Variants in ZNF607 observed in about 807,000 individuals in gnomAD.
ZNF607 encodes zinc finger protein 607.
ZNF607 carries 5 observed loss-of-function variants against 12.8 expected under a neutral mutation model. The ratio of observed to expected loss-of-function variants is 0.39; its 90% confidence interval spans 0.20 to 0.82. The LOEUF is 0.82. ZNF607 is among the 40% of genes least tolerant of loss of function. The probability of loss-of-function intolerance (pLI) is 0.39; values close to 1 mark genes in which losing one functional copy is unlikely to be tolerated. For missense variants in ZNF607, 851 were observed against 859.2 expected, an observed-to-expected ratio of 0.99 and a Z score of 0.12; for synonymous variants, 287 against 276.2, an observed-to-expected ratio of 1.04 and a Z score of -0.39.
rs752535829 is a variant in ZNF607, at chr19:37,707,916, G to C, written c.233C>G (p.Thr78Arg). 8.7e-6 allele frequency: 14 copies of C among 1,613,390 alleles called. No homozygotes were observed. In the East Asian group the frequency reaches 2.7e-4, roughly 31 times the overall value. ...GCCCCTGCCTGACTTGCTCTTACCT[G>C]TACACTCTCCTCTTGTTTCTTCCCT... ...IVREETRGEC[T>R]DLDSRCEIIS... The change falls in exon 4 of 5, where the codon ACA becomes AGA. Residue 78 changes from threonine to arginine, a missense_variant and splice_region_variant. Physicochemically the swap from Thr to Arg is moderately conservative, Grantham distance 71 (BLOSUM62 -1). Transcript: ENST00000355202.
chr19:37,697,186 G>A lies in ZNF607; in HGVS notation c.*854C>T. 1 of 734,900 alleles carries A rather than the reference G, an allele frequency of 1.4e-6. No individual in the cohort carries two copies. Among genetic ancestry groups the A allele is most frequent in the Non-Finnish European group, 2.5e-6 (1 of 393,720 alleles). The allele number at this position is 734,900 out of a possible 1,614,324, so 45.5% of individuals were successfully genotyped here. On this transcript the variant is annotated 3_prime_UTR_variant, in exon 5 of 5. Coordinates refer to ENST00000355202, the MANE Select transcript of ZNF607 (RefSeq NM_032689.5). ...CCAGTGATGACTGGCGCACTACGTGGTTGAGAACAGCAGTCAAAGATAATT... is the reference window on the plus strand; with the variant it reads ...CCAGTGATGACTGGCGCACTACGTGATTGAGAACAGCAGTCAAAGATAATT...
chr19:37,707,390 A>G (rs1419903584), intron 4 of ZNF607, among the ~76,000 whole-genome samples: 2 of 151,978 alleles, frequency 1.3e-5, no homozygotes, highest in African/African-American at 4.8e-5. Flanking sequence ...ACTTCAGAGG[A>G]TAAGACTGTG....
In ZNF607 at chr19:37,697,843, T is replaced by C; in HGVS notation, c.*197A>G. 1 of 500,048 alleles carries C rather than the reference T, an allele frequency of 2.0e-6. No homozygotes were observed. The highest frequency in any genetic ancestry group is 3.5e-6 in the Non-Finnish European group (1 of 288,498). The allele number at this position is 500,048 out of a possible 1,614,324, so 31.0% of individuals were successfully genotyped here. ...CATTATAAATTCTCTGAATCTGAGTTAACACAGGTCATACCAAAGAAACTG... is the reference window on the plus strand; with the variant it reads ...CATTATAAATTCTCTGAATCTGAGTCAACACAGGTCATACCAAAGAAACTG... On this transcript the variant is annotated 3_prime_UTR_variant, in exon 5 of 5. Transcript: ENST00000355202.
chr19:37,718,598 G>C (rs537016679), intron 1 of ZNF607, among the ~76,000 whole-genome samples: 40 of 152,278 alleles, frequency 2.6e-4, no homozygotes, highest in Middle Eastern at 3.4e-3. Context: ...CCAAATTTTA[G>C]TCAGGCTACT....
At chr19:37,710,112 G>A (rs2045120472) in intron 2 of ZNF607, among the ~76,000 whole-genome samples, 1 of 151,510 alleles carries the variant, frequency 6.6e-6, no homozygotes, top group East Asian at 2.0e-4. Context: ...CCGAGATTGC[G>A]CCACTGCACT....
At chr19:37,705,561 T>C (rs1479234335) in intron 4 of ZNF607, among the ~76,000 whole-genome samples, 4 of 151,348 alleles carry the variant, frequency 2.6e-5, no homozygotes, top group Non-Finnish European at 5.9e-5. Flanking sequence ...GGTGGGCGCT[T>C]ATAGTCTCAG....
chr19:37,699,154 A>G lies in ZNF607; in HGVS notation c.977T>C (p.Met326Thr). The G allele has an allele frequency of 6.2e-7, 1 of 1,614,166 alleles. No homozygotes were observed. The highest frequency in any genetic ancestry group is 8.5e-7 in the Non-Finnish European group (1 of 1,180,018). Residue 326 changes from methionine (M) to threonine (T), a missense_variant, in exon 5 of 5, where the codon ATG becomes ACG. By Grantham distance (81) the Met-to-Thr change is moderately conservative. Coordinates refer to ENST00000355202, the MANE Select transcript of ZNF607 (RefSeq NM_032689.5). ...CTCCCCTGAATAAATTCTCTGATGC[A>G]TGGTAAGTTGATACCTACATGTAAA... ...KGFTCRYQLT[M>T]HQRIYSGEKH...
chr19:37,697,173 G>C lies in ZNF607; in HGVS notation c.*867C>G. 1 of 738,174 alleles carries C rather than the reference G, an allele frequency of 1.4e-6. No individual in the cohort carries two copies. The highest frequency in any genetic ancestry group is 2.5e-6 in the Non-Finnish European group (1 of 395,066). The allele number at this position is 738,174 out of a possible 1,614,324, so 45.7% of individuals were successfully genotyped here. ...TAAATCTTTGCTACCAGTGATGACT[G>C]GCGCACTACGTGGTTGAGAACAGCA... On this transcript the variant is annotated 3_prime_UTR_variant, in exon 5 of 5. Transcript: ENST00000355202.
At chr19:37,705,904 A>G (rs1488850352) in intron 4 of ZNF607, among the ~76,000 whole-genome samples, 1 of 151,918 alleles carries the variant, frequency 6.6e-6, no homozygotes, top group African/African-American at 2.4e-5. Flanking sequence ...AACACTTCCT[A>G]TAAAAACAGG....
chr19:37,713,267 A>G (rs940732838), intron 1 of ZNF607, among the ~76,000 whole-genome samples: 4 of 152,110 alleles, frequency 2.6e-5, no homozygotes, highest in South Asian at 2.1e-4. Flanking sequence ...AAATCTCTCC[A>G]AACAGACTCT....
chr19:37,697,177 C>T lies in ZNF607; in HGVS notation c.*863G>A, dbSNP rs2044983115. On this transcript the variant is annotated 3_prime_UTR_variant, in exon 5 of 5. Transcript: ENST00000355202. ...TCTTTGCTACCAGTGATGACTGGCG[C>T]ACTACGTGGTTGAGAACAGCAGTCA... 3 of 737,422 alleles carry T rather than the reference C, an allele frequency of 4.1e-6. No homozygotes were observed. Among genetic ancestry groups the T allele is most frequent in the Non-Finnish European group, 7.6e-6 (3 of 394,712 alleles). The allele number at this position is 737,422 out of a possible 1,614,324, so 45.7% of individuals were successfully genotyped here.
In ZNF607 at chr19:37,719,549, A is replaced by C. The variant is rs2045206002; in HGVS notation, c.-355T>G. 1 of 152,408 alleles carries C rather than the reference A, an allele frequency of 6.6e-6. No homozygotes were observed. The highest frequency in any genetic ancestry group is 6.5e-5 in the Admixed American group (1 of 15,292). The allele number at this position is 152,408 out of a possible 1,614,324, so 9.4% of individuals were successfully genotyped here. On this transcript the variant is annotated 5_prime_UTR_variant, in exon 1 of 5. Coordinates refer to ENST00000355202, the MANE Select transcript of ZNF607 (RefSeq NM_032689.5). ...CGCAGTGACCTGCGCCGCCTTCTTC[A>C]GGTGGAACCAAAAGGTCCCGGAACC... is the stretch of plus-strand genomic sequence containing the variant.
chr19:37,718,906 C>A (rs2145256138), intron 1 of ZNF607: 1 of 152,350 alleles, frequency 6.6e-6, no homozygotes, highest in Non-Finnish European at 1.5e-5. Flanking sequence ...ACTGCAAAAT[C>A]TCACAGCCGG....
chr19:37,714,165 A>G (rs934854466), intron 1 of ZNF607, among the ~76,000 whole-genome samples: 1 of 151,506 alleles, frequency 6.6e-6, no homozygotes, highest in African/African-American at 2.4e-5. Context: ...CTAAAAATAC[A>G]AAAAAAATTA....
At chr19:37,712,327 C>T (rs1049650099) in intron 1 of ZNF607, among the ~76,000 whole-genome samples, 2 of 152,092 alleles carry the variant, frequency 1.3e-5, no homozygotes, top group African/African-American at 4.8e-5. Context: ...ACATATCCAT[C>T]AATACAGAGA....
In ZNF607 at chr19:37,699,035, T is replaced by C; in HGVS notation, c.1096A>G (p.Lys366Glu). ...AAGGCTTTCCCACATTCCTCACACT[T>C]ATAAGGTTTCTCAACACTTTCAAAT... ...HTFESVEKPY[K>E]CEECGKAFSV... Residue 366 changes from lysine (K) to glutamate (E), a missense_variant, in exon 5 of 5, where the codon AAG (lysine) becomes GAG (glutamate). Coordinates refer to ENST00000355202, the MANE Select transcript of ZNF607 (RefSeq NM_032689.5). The C allele has an allele frequency of 6.2e-7, 1 of 1,613,562 alleles. No homozygotes were observed. Among genetic ancestry groups the C allele is most frequent in the Non-Finnish European group, 8.5e-7 (1 of 1,179,860 alleles).
chr19:37,712,664 T>G (rs2045142669), intron 1 of ZNF607, among the ~76,000 whole-genome samples: 1 of 152,234 alleles, frequency 6.6e-6, no homozygotes, highest in Admixed American at 6.5e-5. Context: ...TAAATAGCAT[T>G]CCCTATACTT....
At chr19:37,710,477 A>AAAAG (rs57755559) in intron 2 of ZNF607, among the ~76,000 whole-genome samples, 21,947 of 142,312 alleles carry the variant, frequency 0.15, 1,936 homozygotes, top group Non-Finnish European at 0.21. Flanking sequence ...AAAAAAAAAA[A>AAAAG]AAAAGAAAAG....
intron 4 of ZNF607, among the ~76,000 whole-genome samples, chr19:37,706,824 G>T (rs1023364367): frequency 1.3e-5 from 2 of 151,786 alleles, no homozygotes; most frequent in African/African-American, 4.8e-5. Flanking sequence ...CCAAGTAACT[G>T]GGATTATAGG....
Sources: gnomAD v4.1 joint callset for allele counts (sites outside exome capture counted in the v4.1 genomes callset) on GRCh38, gnomAD v4.1.1 for gene constraint, MANE v1.5 for transcripts, NCBI Gene and HGNC (gene_info 2026-07-23, HGNC 2026-07-21) for gene names.